The following PHTF2 variants were observed in gnomAD, a reference collection of about 807,000 sequenced individuals.
The protein encoded by PHTF2 is protein PHTF2.
A neutral mutation model predicts 101.2 loss-of-function variants in PHTF2; 60 were observed. That is an observed-to-expected ratio of 0.59 (90% CI 0.48 to 0.73). The LOEUF (loss-of-function observed/expected upper bound fraction) is 0.73. Ranked by LOEUF, PHTF2 falls within the 30% of genes least tolerant of loss-of-function variation. PHTF2 has a pLI of 0.00. For synonymous variants in PHTF2, 311 were observed against 307.3 expected (o/e 1.01, Z -0.13); for missense variants, 747 against 908.7 (o/e 0.82, Z 2.29).
chr7:77,811,409 T>G (rs1793431504), intron 1 of PHTF2, among the ~76,000 whole-genome samples: 1 of 152,254 alleles, frequency 6.6e-6, no homozygotes, highest in Admixed American at 6.5e-5. Context: ...CTAGATACTT[T>G]TAAATTATGT....
chr7:77,923,192 G>T, intron 11 of PHTF2: 1 of 933,644 alleles, frequency 1.1e-6, no homozygotes, highest in Middle Eastern at 5.5e-4. Context: ...TCAAAATTCA[G>T]TTCTTTTTTC....
intron 1 of PHTF2, among the ~76,000 whole-genome samples, chr7:77,822,794 T>A (rs1794394548): frequency 6.6e-6 from 1 of 152,134 alleles, no homozygotes; most frequent in African/African-American, 2.4e-5. Flanking sequence ...AAGCTGAATC[T>A]TAGCTGTTTA....
At chr7:77,899,265 C>T (rs1056916324) in intron 5 of PHTF2, among the ~76,000 whole-genome samples, 3 of 152,064 alleles carry the variant, frequency 2.0e-5, no homozygotes, top group Non-Finnish European at 4.4e-5. Flanking sequence ...AAATAAAGGA[C>T]ACTGTTTACA....
intron 3 of PHTF2, among the ~76,000 whole-genome samples, chr7:77,856,667 C>T (rs10281374): frequency 0.022 from 3,291 of 152,160 alleles, 116 homozygotes; most frequent in African/African-American, 0.074. Context: ...TTTGTTTGTA[C>T]TGAGCATGTG....
chr7:77,929,148 T>G lies in PHTF2; in HGVS notation c.1159T>G (p.Ser387Ala), dbSNP rs1199578410. The change falls in exon 12 of 20, where the codon TCA (serine) becomes GCA (alanine). Residue 387 changes from serine to alanine, a missense_variant. Ser to Ala is a moderately conservative substitution (Grantham distance 99). Transcript: ENST00000416283. ...GGGTACTAGTTGCAGCTCTCGCTGT[T>G]CAAGTTCCAGACAGGATTCTGAGAG... 2.5e-6 allele frequency: 4 copies of G among 1,613,848 alleles called. No homozygotes were observed. The African/African-American group carries it at 5.3e-5, about 22-fold the overall frequency.
At position 77,937,778 on chromosome 7, in the gene PHTF2, T is replaced by C. The variant is rs745736108; in HGVS notation, c.1407T>C (p.Gly469=). 3.4e-5 allele frequency: 52 copies of C among 1,533,490 alleles called. No homozygotes were observed. The South Asian group carries it at 5.5e-4, about 16-fold the overall frequency. 95.0% of individuals were successfully genotyped at this position (1,533,490 alleles called of 1,614,324 possible). A position where few individuals can be genotyped will look rare whatever the true frequency, so the allele number is the denominator to read the frequency against. Residue 469 remains glycine, a synonymous_variant, in exon 13 of 20, where the codon GGT becomes GGC. Transcript: ENST00000416283. The stretch of plus-strand genomic sequence containing the variant: ...AAATAAGTGCTATAGTATGGGAAGG[T>C]AATGATTGTAAGAAAGCAGACATGT...
intron 3 of PHTF2, among the ~76,000 whole-genome samples, chr7:77,866,184 CAAAAA>C (rs35744441): frequency 7.3e-5 from 6 of 82,402 alleles, no homozygotes; most frequent in African/African-American, 2.0e-4. Flanking sequence ...ACTACCTCTC[CAAAAA>C]AAAAAAAAAA....
At chr7:77,902,332 TG>T (rs941807848) in intron 7 of PHTF2, among the ~76,000 whole-genome samples, 1 of 152,240 alleles carries the variant, frequency 6.6e-6, no homozygotes, top group African/African-American at 2.4e-5. Flanking sequence ...ATCAAAATTC[TG>T]TATACCGTGC....
chr7:77,902,339 C>T (rs1164849708), intron 7 of PHTF2, among the ~76,000 whole-genome samples: 9 of 151,996 alleles, frequency 5.9e-5, no homozygotes, highest in Admixed American at 5.2e-4. Flanking sequence ...TTCTGTATAC[C>T]GTGCACTCTG....
At chr7:77,920,232 C>A (rs1484649800) in intron 9 of PHTF2, 47 bp from the exon 9 acceptor site, 1 of 1,044,148 alleles carries the variant, frequency 9.6e-7, no homozygotes, top group Non-Finnish European at 1.4e-6. Flanking sequence ...GTAACCTATC[C>A]AAAATAAGCT....
chr7:77,865,414 C>T (rs1243078832), intron 3 of PHTF2, among the ~76,000 whole-genome samples: 4 of 151,950 alleles, frequency 2.6e-5, no homozygotes, highest in Non-Finnish European at 4.4e-5. Flanking sequence ...TTAGTAGAGA[C>T]GGGGTTTCAC....
intron 7 of PHTF2, among the ~76,000 whole-genome samples, chr7:77,905,562 A>C (rs1010102242): frequency 6.6e-6 from 1 of 152,152 alleles, no homozygotes; most frequent in East Asian, 1.9e-4. Context: ...GCGGTGGTGC[A>C]GTCATGGCTC....
At chr7:77,933,255 AAAAT>A (rs775931433) in intron 12 of PHTF2, among the ~76,000 whole-genome samples, 8 of 152,286 alleles carry the variant, frequency 5.3e-5, no homozygotes, top group East Asian at 3.9e-4. Context: ...TAATAATAAT[AAAAT>A]AAATAAATAA....
Position 77,840,311 on chromosome 7 carries a change from A to G in PHTF2, c.45+11A>G. 1 of 1,574,694 alleles carries G rather than the reference A, an allele frequency of 6.4e-7. No homozygotes were observed. On this transcript the variant is annotated intron_variant, in intron 2 of 19. Coordinates refer to ENST00000416283, the Ensembl canonical transcript of PHTF2. ...TGGTATCAAAAGAAGGTAAGTTGAT[A>G]GTCAAAACTTTTAGCTTTCTAAATG...
intron 16 of PHTF2, among the ~76,000 whole-genome samples, chr7:77,944,049 C>A (rs956085572): frequency 3.3e-5 from 5 of 152,008 alleles, no homozygotes; most frequent in African/African-American, 1.2e-4. Flanking sequence ...TCGGGGGAAC[C>A]CTCAGCTTTT....
At chr7:77,818,486 C>T (rs1794027351) in intron 1 of PHTF2, among the ~76,000 whole-genome samples, 1 of 152,032 alleles carries the variant, frequency 6.6e-6, no homozygotes, top group African/African-American at 2.4e-5. Context: ...TCCAGTTTTC[C>T]CAGAAGTATT....
chr7:77,864,610 G>A (rs1359557418), intron 3 of PHTF2, among the ~76,000 whole-genome samples: 1 of 151,526 alleles, frequency 6.6e-6, no homozygotes, highest in East Asian at 1.9e-4. Context: ...GCCCACTTAT[G>A]CTTTTAATTT....
At chr7:77,894,021 G>T in intron 5 of PHTF2, 28 bp downstream of exon 4, 1 of 1,541,850 alleles carries the variant, frequency 6.5e-7, no homozygotes. Context: ...TTTCCCGCCT[G>T]AGTGATCCTG....
At chr7:77,907,443 T>C (rs1801968646) in intron 7 of PHTF2, among the ~76,000 whole-genome samples, 1 of 152,134 alleles carries the variant, frequency 6.6e-6, no homozygotes, top group South Asian at 2.1e-4. Flanking sequence ...AAGAAGTTGG[T>C]TTTTTTGGTC....
Sources: allele counts gnomAD v4.1 joint callset (sites outside exome capture counted in the v4.1 genomes callset), GRCh38; gene constraint gnomAD v4.1.1; transcripts MANE v1.5; gene names NCBI Gene and HGNC (gene_info 2026-07-23, HGNC 2026-07-21).